Variants in FRMD4B observed in about 807,000 individuals in gnomAD.
The protein encoded by FRMD4B is FERM domain containing 4B.
FRMD4B carries 74 observed loss-of-function variants against 141.5 expected under a neutral mutation model. That is an observed-to-expected ratio of 0.52 (90% CI 0.43 to 0.63). FRMD4B has a LOEUF of 0.63. Ranked by LOEUF, FRMD4B falls within the 30% of genes least tolerant of loss-of-function variation. The pLI is 0.00. For synonymous variants in FRMD4B, 506 were observed against 467.9 expected, an observed-to-expected ratio of 1.08 and a Z score of -1.05; for missense variants, 1,366 against 1,253.4, an observed-to-expected ratio of 1.09 and a Z score of -1.36.
intron 2 of FRMD4B, among the ~76,000 whole-genome samples, chr3:69,409,244 C>G (rs1356037043): frequency 6.6e-6 from 1 of 152,154 alleles, no homozygotes; most frequent in African/African-American, 2.4e-5. Flanking sequence ...TCAGTCTTTA[C>G]CCTAGAGCTA....
At chr3:69,312,708 G>C (rs1447293361) in intron 2 of FRMD4B, among the ~76,000 whole-genome samples, 2 of 152,176 alleles carry the variant, frequency 1.3e-5, no homozygotes, top group Non-Finnish European at 2.9e-5. Flanking sequence ...AGGCCAGCCT[G>C]GCCAACATGG....
intron 11 of FRMD4B, among the ~76,000 whole-genome samples, chr3:69,204,948 T>C (rs1272737971): frequency 6.6e-6 from 1 of 151,648 alleles, no homozygotes; most frequent in Non-Finnish European, 1.5e-5. Flanking sequence ...GGGGCAGATA[T>C]TGATACTTAA....
intron 1 of FRMD4B, among the ~76,000 whole-genome samples, chr3:69,454,479 C>T (rs548192686): frequency 6.0e-4 from 92 of 152,326 alleles, no homozygotes; most frequent in Middle Eastern, 6.8e-3. Flanking sequence ...GCCACACTCA[C>T]GGGCCAGCGC....
At chr3:69,312,316 G>C (rs911777686) in intron 2 of FRMD4B, among the ~76,000 whole-genome samples, 3 of 152,056 alleles carry the variant, frequency 2.0e-5, no homozygotes, top group Non-Finnish European at 4.4e-5. Flanking sequence ...TGGCTGTTGG[G>C]GATAAAAATG....
At chr3:69,519,762 C>G (rs1700821308) in intron 1 of FRMD4B, among the ~76,000 whole-genome samples, 1 of 151,830 alleles carries the variant, frequency 6.6e-6, no homozygotes, top group South Asian at 2.1e-4. Context: ...TACACTGAAA[C>G]CAATTTGTAG....
At chr3:69,372,160 C>T (rs961099558) in intron 1 of FRMD4B, among the ~76,000 whole-genome samples, 4 of 152,324 alleles carry the variant, frequency 2.6e-5, no homozygotes, top group East Asian at 3.9e-4. Context: ...TTGGTCTGCA[C>T]GTGCCAAGCT....
chr3:69,340,286 C>A (rs1303665292), intron 1 of FRMD4B, among the ~76,000 whole-genome samples: 1 of 151,926 alleles, frequency 6.6e-6, no homozygotes, highest in East Asian at 1.9e-4. Flanking sequence ...AGTACAGTAC[C>A]TGATGGTTAT....
chr3:69,212,260 T>C (rs1487380832), intron 11 of FRMD4B, among the ~76,000 whole-genome samples: 3 of 142,940 alleles, frequency 2.1e-5, no homozygotes, highest in Non-Finnish European at 4.5e-5. Flanking sequence ...CTCGGGAGGC[T>C]GAGGTAGGAG....
chr3:69,383,969 T>G (rs1704187582), intron 1 of FRMD4B, among the ~76,000 whole-genome samples: 1 of 151,914 alleles, frequency 6.6e-6, no homozygotes, highest in Non-Finnish European at 1.5e-5. Flanking sequence ...TTTTTTTTTA[T>G]TTTTTATTTT....
intron 1 of FRMD4B, among the ~76,000 whole-genome samples, chr3:69,441,716 G>A (rs1705346843): frequency 6.6e-6 from 1 of 152,140 alleles, no homozygotes; most frequent in South Asian, 2.1e-4. Flanking sequence ...TAACTGAGTG[G>A]AAAAATGAAC....
At chr3:69,339,567 G>A (rs1253645426) in intron 1 of FRMD4B, among the ~76,000 whole-genome samples, 4 of 151,990 alleles carry the variant, frequency 2.6e-5, no homozygotes, top group Admixed American at 1.3e-4. Context: ...CCTGTCACAG[G>A]AATGATGCAG....
chr3:69,511,808 C>A (rs1298536113), intron 1 of FRMD4B, among the ~76,000 whole-genome samples: 1 of 152,212 alleles, frequency 6.6e-6, no homozygotes, highest in Non-Finnish European at 1.5e-5. Context: ...CCTATTCTTA[C>A]CCCACTTACC....
chr3:69,380,473 C>G (rs1704087324), intron 1 of FRMD4B, among the ~76,000 whole-genome samples: 1 of 152,196 alleles, frequency 6.6e-6, no homozygotes, highest in African/African-American at 2.4e-5. Context: ...ATTTATTGAG[C>G]ATTTGCTTGT....
At chr3:69,530,191 T>C (rs1700991430) in intron 1 of FRMD4B, among the ~76,000 whole-genome samples, 1 of 152,240 alleles carries the variant, frequency 6.6e-6, no homozygotes, top group Non-Finnish European at 1.5e-5. Context: ...TTTTATTGAG[T>C]GCTGTAGCTT....
At chr3:69,229,183 G>C (rs534801134) in intron 7 of FRMD4B, among the ~76,000 whole-genome samples, 1 of 151,836 alleles carries the variant, frequency 6.6e-6, no homozygotes, top group African/African-American at 2.4e-5. Flanking sequence ...GTGCCACCAT[G>C]TCTGGCTAAA....
chr3:69,458,338 G>A (rs1300983829), intron 1 of FRMD4B, among the ~76,000 whole-genome samples: 2 of 152,088 alleles, frequency 1.3e-5, no homozygotes, highest in African/African-American at 4.8e-5. Context: ...CAGAGCATGA[G>A]GCATTAAACA....
Position 69,187,768 on chromosome 3 carries a change from A to G in FRMD4B, c.1919+2T>C. The stretch of plus-strand genomic sequence containing the variant: ...AACCTTACTGATGATATGACCTCTC[A>G]CCTGGACTGCCTGGTATCCACAAAC... On this transcript the variant is annotated splice_donor_variant, in intron 19 of 22. Coordinates refer to ENST00000398540, the MANE Select transcript of FRMD4B (RefSeq NM_015123.3). LOFTEE classifies it high-confidence loss of function. 2 of 1,610,824 alleles carry G rather than the reference A, an allele frequency of 1.2e-6. No homozygotes were observed. Among genetic ancestry groups the G allele is most frequent in the Non-Finnish European group, 1.7e-6 (2 of 1,178,820 alleles).
At chr3:69,223,067 C>T (rs915537523) in intron 8 of FRMD4B, among the ~76,000 whole-genome samples, 1 of 152,170 alleles carries the variant, frequency 6.6e-6, no homozygotes, top group Non-Finnish European at 1.5e-5. Context: ...TCTACTATCA[C>T]CATTTACAGA....
intron 5 of FRMD4B, among the ~76,000 whole-genome samples, chr3:69,258,470 T>A (rs1017012105): frequency 2.0e-5 from 3 of 152,210 alleles, no homozygotes; most frequent in African/African-American, 7.2e-5. Flanking sequence ...ATCAATACAA[T>A]TATTTTGCTA....
Sources: allele counts gnomAD v4.1 joint callset (sites outside exome capture counted in the v4.1 genomes callset), GRCh38; gene constraint gnomAD v4.1.1; transcripts MANE v1.5; gene names NCBI Gene and HGNC (gene_info 2026-07-23, HGNC 2026-07-21).